The following ATP2B2 variants were observed in gnomAD, a reference collection of about 807,000 sequenced individuals.
ATP2B2 encodes the protein ATPase plasma membrane Ca2+ transporting 2, also known as plasma membrane calcium-transporting ATPase 2.
Under a neutral mutation model 120.0 loss-of-function variants are expected in ATP2B2, and 15 were observed. That is an observed-to-expected ratio of 0.12 (90% confidence interval 0.08 to 0.19). The LOEUF (loss-of-function observed/expected upper bound fraction) is 0.19, where lower values mean the gene tolerates loss of function less well. ATP2B2 is among the 10% of genes least tolerant of loss of function. The probability of loss-of-function intolerance (pLI) is 1.00; values close to 1 mark genes in which losing one functional copy is unlikely to be tolerated. For missense variants in ATP2B2, 1,045 were observed against 1,719.8 expected (o/e 0.61, Z 6.94); for synonymous variants, 694 against 700.3 (o/e 0.99, Z 0.14).
At chr3:10,540,748 T>C (rs576996087) in intron 2 of ATP2B2, among the ~76,000 whole-genome samples, 1 of 145,884 alleles carries the variant, frequency 6.9e-6, no homozygotes, top group Non-Finnish European at 1.5e-5. Context: ...AGGGATAGCA[T>C]TGGGAGAAAT....
At chr3:10,380,408 C>T (rs997151232) in intron 8 of ATP2B2, among the ~76,000 whole-genome samples, 27 of 152,228 alleles carry the variant, frequency 1.8e-4, no homozygotes, top group African/African-American at 6.5e-4. Flanking sequence ...AATGGTGATT[C>T]TCACAGCTCA....
At chr3:10,398,259 C>T (rs1328332540) in intron 5 of ATP2B2, among the ~76,000 whole-genome samples, 44 of 152,222 alleles carry the variant, frequency 2.9e-4, no homozygotes, top group Non-Finnish European at 4.4e-5. Flanking sequence ...CCACTGAGAT[C>T]TCCAGGTTCC....
chr3:10,424,406 T>C (rs764812034), intron 2 of ATP2B2, among the ~76,000 whole-genome samples: 6 of 152,212 alleles, frequency 3.9e-5, no homozygotes, highest in Non-Finnish European at 8.8e-5. Context: ...TTGTTACTCT[T>C]GAGACAGCCT....
At chr3:10,391,013 C>A (rs1031005320) in intron 5 of ATP2B2, among the ~76,000 whole-genome samples, 1 of 152,146 alleles carries the variant, frequency 6.6e-6, no homozygotes, top group African/African-American at 2.4e-5. Context: ...AGATAAGAAA[C>A]TGGGGTCTCA....
intron 1 of ATP2B2, chr3:10,707,855 C>T (rs1481713283): frequency 6.5e-6 from 1 of 152,776 alleles, no homozygotes; most frequent in Non-Finnish European, 1.5e-5. Flanking sequence ...GGGAAAGTGA[C>T]AAGAGACCGA....
intron 22 of ATP2B2, 37 bp downstream of exon 22, chr3:10,338,139 G>T (rs748016148): frequency 1.2e-6 from 2 of 1,612,388 alleles, no homozygotes; most frequent in African/African-American, 1.3e-5. Flanking sequence ...GCCCGCCCCG[G>T]CCAGGCCTGG....
At chr3:10,569,224 C>T (rs919498365) in intron 2 of ATP2B2, among the ~76,000 whole-genome samples, 7 of 152,194 alleles carry the variant, frequency 4.6e-5, no homozygotes, top group African/African-American at 1.7e-4. Flanking sequence ...AACAATCGCT[C>T]CTCTTTATTG....
At chr3:10,334,454 G>C (rs2125339908) in intron 22 of ATP2B2, among the ~76,000 whole-genome samples, 1 of 152,308 alleles carries the variant, frequency 6.6e-6, no homozygotes, top group East Asian at 1.9e-4. Flanking sequence ...AGGTCAGCTG[G>C]CTAGGCTGCT....
At position 10,375,368 on chromosome 3, in the gene ATP2B2, T is replaced by C; in HGVS notation, c.1416+62A>G. The C allele has an allele frequency of 7.0e-7, 1 of 1,438,472 alleles. No homozygotes were observed. The highest frequency in any genetic ancestry group is 9.7e-7 in the Non-Finnish European group (1 of 1,030,096). The allele number at this position is 1,438,472 out of a possible 1,614,324, so 89.1% of individuals were successfully genotyped here. The stretch of plus-strand genomic sequence containing the variant: ...CCAACCCCAGCACCAGCCCCAGTGA[T>C]TCCCCCAGGCCCTCAGCTGCAGCTG... On this transcript the variant is annotated intron_variant, in intron 11 of 22. Coordinates refer to ENST00000360273, the MANE Select transcript of ATP2B2 (RefSeq NM_001001331.4). This position sits in a 1 kb window ranked among gnomAD's most constrained non-coding sequence, Gnocchi z 4.2.
At chr3:10,623,542 G>C (rs1477354036) in intron 1 of ATP2B2, among the ~76,000 whole-genome samples, 1 of 146,076 alleles carries the variant, frequency 6.8e-6, no homozygotes, top group Non-Finnish European at 1.5e-5. Context: ...CAATCAGGGA[G>C]GCTTCATTGA....
At chr3:10,524,832 C>T (rs2067058626) in intron 3 of ATP2B2, among the ~76,000 whole-genome samples, 1 of 152,162 alleles carries the variant, frequency 6.6e-6, no homozygotes, top group Admixed American at 6.5e-5. Context: ...AGTCCATGCT[C>T]TTGGCAGTCT....
chr3:10,594,415 T>C lies in ATP2B2; in HGVS notation c.-415+25502A>G, dbSNP rs1378495532. 2.6e-5 allele frequency among the ~76,000 whole-genome samples: 4 copies of C among 152,096 alleles called. No homozygotes were observed. The East Asian group carries it at 5.8e-4, about 22-fold the overall frequency. On this transcript the variant is annotated intron_variant, in intron 2 of 21. Coordinates refer to the ATP2B2 transcript ENST00000646379. ...AAAAATGATGAGTTCATGTCCTTTG[T>C]AGGGACATGGATGAAGCTGGAAACC... is the stretch of plus-strand genomic sequence containing the variant.
chr3:10,531,214 G>A (rs2067203101), intron 3 of ATP2B2, among the ~76,000 whole-genome samples: 1 of 152,124 alleles, frequency 6.6e-6, no homozygotes, highest in African/African-American at 2.4e-5. Flanking sequence ...CCCTCCCCTC[G>A]GGCTCAGCCC....
At position 10,697,848 on chromosome 3, in the gene ATP2B2, T is replaced by G. The variant is rs539530241; in HGVS notation, c.-460+10067A>C. ...TGATTTCACTCACTCATTCGTTCAT[T>G]CATTCAGCCAATACTTTTCTCAATA... is the stretch of plus-strand genomic sequence containing the variant. On this transcript the variant is annotated intron_variant, in intron 1 of 21. Coordinates refer to the ATP2B2 transcript ENST00000646379. Among the ~76,000 whole-genome samples the G allele has an allele frequency of 3.9e-5, 6 of 152,358 alleles. No homozygotes were observed. The South Asian group carries it at 1.2e-3, about 32-fold the overall frequency.
intron 2 of ATP2B2, among the ~76,000 whole-genome samples, chr3:10,586,051 T>C (rs1368326894): frequency 6.6e-6 from 1 of 152,242 alleles, no homozygotes; most frequent in Non-Finnish European, 1.5e-5. Context: ...GTGTGTTCCA[T>C]CCTATAGTGC....
At chr3:10,462,462 C>A (rs1308100631) in intron 1 of ATP2B2, among the ~76,000 whole-genome samples, 2 of 152,214 alleles carry the variant, frequency 1.3e-5, no homozygotes, top group African/African-American at 4.8e-5. Flanking sequence ...AGCCTTACAT[C>A]CTCCTTCAGT....
intron 2 of ATP2B2, among the ~76,000 whole-genome samples, chr3:10,445,596 C>T (rs948590949): frequency 6.6e-6 from 1 of 152,240 alleles, no homozygotes; most frequent in Admixed American, 6.5e-5. Context: ...GTGGGAGCCA[C>T]ACCCTGAGCT....
At chr3:10,683,760 G>GTGTGTGTATGTATATATATATATA (rs1446781892) in intron 1 of ATP2B2, among the ~76,000 whole-genome samples, 1 of 53,912 alleles carries the variant, frequency 1.9e-5, no homozygotes, top group African/African-American at 5.6e-5. Context: ...GTGTGTGTGT[G>GTGTGTGTATGTATATATATATATA]TATATATATA....
At chr3:10,606,938 GGGAGAGGGAGAGGGGGA>G (rs1198779386) in intron 2 of ATP2B2, among the ~76,000 whole-genome samples, 3 of 75,304 alleles carry the variant, frequency 4.0e-5, no homozygotes. Flanking sequence ...GAGAGAGAGA[GGGAGAGGGAGAGGGGGA>G]GGGGGGGAGA....
Sources: allele counts gnomAD v4.1 joint callset (sites outside exome capture counted in the v4.1 genomes callset), GRCh38; gene constraint gnomAD v4.1.1; non-coding constraint Gnocchi (gnomAD v3.1); transcripts MANE v1.5; gene names NCBI Gene and HGNC (gene_info 2026-07-23, HGNC 2026-07-21).